The following PCDHGA9 variants were observed in gnomAD, a reference collection of about 807,000 sequenced individuals.
The protein encoded by PCDHGA9 is protocadherin gamma subfamily A, 9, also known as protocadherin gamma-A9.
Under a neutral mutation model 62.5 loss-of-function variants are expected in PCDHGA9, and 37 were observed. The ratio of observed to expected loss-of-function variants is 0.59; its 90% CI spans 0.46 to 0.78. The LOEUF is 0.78. Ranked by LOEUF, PCDHGA9 falls within the 30% of genes least tolerant of loss-of-function variation. PCDHGA9 has a pLI of 0.00. For synonymous variants in PCDHGA9, 459 were observed against 484.6 expected (o/e 0.95, Z 0.69); for missense variants, 1,138 against 1,166.2 (o/e 0.98, Z 0.35).
rs1457099502 is a variant in PCDHGA9 at position 141,477,430 on chromosome 5, A to G, written c.2425-17377A>G. The G allele has an allele frequency of 1.2e-6, 2 of 1,614,162 alleles. No individual in the cohort carries two copies. The highest frequency in any genetic ancestry group is 1.7e-6 in the Non-Finnish European group (2 of 1,180,020). Reference sequence around the variant, plus strand: ...GAGACGCCGGAACCCCTTCCCTCTCAGCCCTTACAATAGTGCGTGTTCAAG... The same window carrying G: ...GAGACGCCGGAACCCCTTCCCTCTCGGCCCTTACAATAGTGCGTGTTCAAG... On this transcript the variant is annotated intron_variant, in intron 1 of 3. Transcript: ENST00000573521. This position sits in a 1 kb window ranked among gnomAD's most constrained non-coding sequence, Gnocchi z 4.9.
chr5:141,508,961 A>G (rs991011427), intron 3 of PCDHGA9, among the ~76,000 whole-genome samples: 2 of 151,978 alleles, frequency 1.3e-5, no homozygotes, highest in Non-Finnish European at 2.9e-5. Flanking sequence ...TGTCAGCGGA[A>G]TGAAAGGGCT....
chr5:141,405,217 G>A lies in PCDHGA9; in HGVS notation c.2265G>A (p.Gln755=). 5.6e-6 allele frequency: 9 copies of A among 1,614,024 alleles called. No homozygotes were observed. Among genetic ancestry groups the A allele is most frequent in the Non-Finnish European group, 7.6e-6 (9 of 1,180,002 alleles). ...GAGCTTTCCTACAGACCTATTCTCA[G>A]GAGTTCTCCCTCACCGCTGACTCAA... ...GVRAFLQTYS[Q]EFSLTADSRK... Residue 755 remains glutamine (Q), a synonymous_variant, in exon 1 of 4, where the codon CAG becomes CAA. Transcript: ENST00000573521.
intron 1 of PCDHGA9, among the ~76,000 whole-genome samples, chr5:141,472,264 G>A (rs925973401): frequency 1.3e-4 from 20 of 152,068 alleles, no homozygotes; most frequent in African/African-American, 3.6e-4. Context: ...TATTATAGCC[G>A]GGCACAGTGG....
Position 141,511,643 on chromosome 5 carries a change from C to T in PCDHGA9, c.*470C>T, listed in dbSNP as rs937995879. ...TGAAAAGTTGGAAGGGCATCATGACCTCTTGGCCTCTCCTTTGATTCTCAA... is the reference window on the plus strand; with the variant it reads ...TGAAAAGTTGGAAGGGCATCATGACTTCTTGGCCTCTCCTTTGATTCTCAA... On this transcript the variant is annotated 3_prime_UTR_variant, in exon 4 of 4. Coordinates refer to ENST00000573521, the MANE Select transcript of PCDHGA9 (RefSeq NM_018921.3). 4 of 218,904 alleles carry T rather than the reference C, an allele frequency of 1.8e-5. No homozygotes were observed. The highest frequency in any genetic ancestry group is 5.2e-5 in the Admixed American group (1 of 19,306). 13.6% of individuals were successfully genotyped at this position (218,904 alleles called of 1,614,324 possible). A position where few individuals can be genotyped will look rare whatever the true frequency, so the allele number is the denominator to read the frequency against.
intron 1 of PCDHGA9, among the ~76,000 whole-genome samples, chr5:141,446,153 AT>A (rs1158236808): frequency 1.3e-5 from 2 of 152,362 alleles, no homozygotes; most frequent in East Asian, 3.9e-4. Flanking sequence ...TAGGTGGAAT[AT>A]AAATTTCATG....
intron 1 of PCDHGA9, chr5:141,417,728 T>A: frequency 7.3e-7 from 1 of 1,373,610 alleles, no homozygotes; most frequent in Non-Finnish European, 9.6e-7. Flanking sequence ...GCGCAGACCT[T>A]GCCCAGCACA....
rs987203685 is a variant in PCDHGA9 at position 141,403,829 on chromosome 5, C to A, written c.877C>A (p.Gln293Lys). ...TAATGAAAAACAATCTCTGCTATTC[C>A]AGCTTAATGAAAATACTGGGGAAAT... is the stretch of plus-strand genomic sequence containing the variant. Reference protein sequence around the residue: ...KINEKQSLLFQLNENTGEIST... With the variant: ...KINEKQSLLFKLNENTGEIST... Residue 293 changes from glutamine to lysine, a missense_variant, in exon 1 of 4, where the codon CAG becomes AAG. Physicochemically the swap from Gln to Lys is moderately conservative, Grantham distance 53 (BLOSUM62 1). Transcript: ENST00000573521. 1.2e-6 allele frequency: 2 copies of A among 1,613,602 alleles called. No homozygotes were observed. The highest frequency in any genetic ancestry group is 2.2e-5 in the East Asian group (1 of 44,884).
In PCDHGA9 at chr5:141,509,418, A is replaced by G. The variant is rs767758113; in HGVS notation, c.2573-1529A>G. Among the ~76,000 whole-genome samples the G allele has an allele frequency of 2.6e-5, 4 of 152,188 alleles. No individual in the cohort carries two copies. The South Asian group carries it at 6.2e-4, about 24-fold the overall frequency. ...TCAGGGCCTCCAGCAGCGAGCCCCA[A>G]TGAGTCAAACTCTTGTTTCCTCCTC... On this transcript the variant is annotated intron_variant, in intron 3 of 3. Transcript: ENST00000573521.
At chr5:141,441,709 C>T in intron 1 of PCDHGA9, 1 of 321,306 alleles carries the variant, frequency 3.1e-6, no homozygotes, top group Non-Finnish European at 6.1e-6. Flanking sequence ...TTCAAGCTCA[C>T]GCTGCAGGCC....
chr5:141,405,012 C>T lies in PCDHGA9; in HGVS notation c.2060C>T (p.Ser687Leu), dbSNP rs748403581. 2 of 1,614,018 alleles carry T rather than the reference C, an allele frequency of 1.2e-6. No homozygotes were observed. Among genetic ancestry groups the T allele is most frequent in the Non-Finnish European group, 8.5e-7 (1 of 1,179,880 alleles). Residue 687 changes from serine (S) to leucine (L), a missense_variant, in exon 1 of 4, where the codon TCA becomes TTA. Transcript: ENST00000573521. The part of the protein sequence containing the change: ...SLQIPADLEA[S>L]DLTLYLVVAV... ...CAGATCCCTGCAGACCTGGAGGCCT[C>T]AGACCTTACCCTCTACCTCGTTGTG...
intron 1 of PCDHGA9, among the ~76,000 whole-genome samples, chr5:141,456,919 C>T (rs2098898169): frequency 1.3e-5 from 2 of 152,124 alleles, no homozygotes; most frequent in South Asian, 4.1e-4. Context: ...GCCGAGATCG[C>T]ACCACTGCAC....
At position 141,403,999 on chromosome 5, in the gene PCDHGA9, T is replaced by C. The variant is rs1399272947; in HGVS notation, c.1047T>C (p.Ile349=). The C allele has an allele frequency of 3.1e-6, 5 of 1,613,898 alleles. No individual in the cohort carries two copies. Among genetic ancestry groups the C allele is most frequent in the Non-Finnish European group, 4.2e-6 (5 of 1,179,850 alleles). ...ATGACAATAGACCTGAAGTGACCAT[T>C]ACATCTCTGTTTAGCCCAGTGAGAG... ...DVNDNRPEVT[I]TSLFSPVRED... is the part of the protein sequence containing the mutation. The change falls in exon 1 of 4, where the codon ATT becomes ATC. Residue 349 remains isoleucine (I), a synonymous_variant. Transcript: ENST00000573521.
rs561824381 is a variant in PCDHGA9 at position 141,449,084 on chromosome 5, C to T, written c.2424+43708C>T. Among the ~76,000 whole-genome samples, 8 of 152,250 alleles carry T rather than the reference C, an allele frequency of 5.3e-5. No individual in the cohort carries two copies. In the East Asian group the frequency reaches 1.4e-3, roughly 26 times the overall value. The stretch of plus-strand genomic sequence containing the variant: ...CTATTGAATAGCCCTGTACCTACAT[C>T]AGTTTTTACATATGCAGTATATCTT... On this transcript the variant is annotated intron_variant, in intron 1 of 3. Transcript: ENST00000573521.
chr5:141,459,939 G>A (rs377668643), intron 1 of PCDHGA9, among the ~76,000 whole-genome samples: 7 of 152,256 alleles, frequency 4.6e-5, no homozygotes, highest in Non-Finnish European at 7.4e-5. Flanking sequence ...GTAGCTGGGC[G>A]TGATGGCAGG....
chr5:141,477,223 T>C lies in PCDHGA9; in HGVS notation c.2425-17584T>C. The C allele has an allele frequency of 6.2e-7, 1 of 1,614,198 alleles. No homozygotes were observed. On this transcript the variant is annotated intron_variant, in intron 1 of 3. Coordinates refer to ENST00000573521, the MANE Select transcript of PCDHGA9 (RefSeq NM_018921.3). This position sits in a 1 kb window ranked among gnomAD's most constrained non-coding sequence, Gnocchi z 4.9. ...TACCCGAGGATGCCCCTCTGGGGAC[T>C]GTCATCGCTTTGCTCAGTGTGACTG... is the stretch of plus-strand genomic sequence containing the variant.
Position 141,491,590 on chromosome 5 carries a change from G to A in PCDHGA9, c.2425-3217G>A, listed in dbSNP as rs376104513. ...GACGTGCTTTTCACCGGCCTCGGAC[G>A]GCAGTGACTTCACTTTTCTAAGACC... On this transcript the variant is annotated intron_variant, in intron 1 of 3. Transcript: ENST00000573521. The surrounding 1 kb of genome is among the most constrained non-coding windows in gnomAD (Gnocchi z 6.9). 15 of 1,613,828 alleles carry A rather than the reference G, an allele frequency of 9.3e-6. No homozygotes were observed. In the African/African-American group the frequency reaches 2.0e-4, roughly 22 times the overall value.
chr5:141,421,991 A>T, intron 1 of PCDHGA9: 1 of 1,608,656 alleles, frequency 6.2e-7, no homozygotes, highest in Non-Finnish European at 8.5e-7. Context: ...GTTCCAGAAA[A>T]CATCAGCTCC....
chr5:141,459,311 T>A (rs1298312167), intron 1 of PCDHGA9, among the ~76,000 whole-genome samples: 1 of 152,250 alleles, frequency 6.6e-6, no homozygotes, highest in Non-Finnish European at 1.5e-5. Flanking sequence ...TATACTATTT[T>A]GTATCCATCT....
chr5:141,477,819 T>C lies in PCDHGA9; in HGVS notation c.2425-16988T>C. 1.9e-6 allele frequency: 3 copies of C among 1,614,138 alleles called. No individual in the cohort carries two copies. The highest frequency in any genetic ancestry group is 2.5e-6 in the Non-Finnish European group (3 of 1,180,030). On this transcript the variant is annotated intron_variant, in intron 1 of 3. Transcript: ENST00000573521. The surrounding 1 kb of genome is among the most constrained non-coding windows in gnomAD (Gnocchi z 4.9). ...CGCAATGACAATGCCCCCCAGGTCC[T>C]ATATCCTCGGCCAGGTGGGAGCTCG...
Sources: gnomAD v4.1 joint callset for allele counts (sites outside exome capture counted in the v4.1 genomes callset) on GRCh38, gnomAD v4.1.1 for gene constraint, Gnocchi (gnomAD v3.1) non-coding constraint, MANE v1.5 for transcripts, NCBI Gene and HGNC (gene_info 2026-07-23, HGNC 2026-07-21) for gene names.